CADPS: variants seen among roughly 807,000 people sequenced by gnomAD.
CADPS encodes the protein calcium-dependent secretion activator 1.
Under a neutral mutation model 167.3 loss-of-function variants are expected in CADPS, and 57 were observed. That is an observed-to-expected ratio of 0.34 (90% CI 0.28 to 0.42). The LOEUF (loss-of-function observed/expected upper bound fraction) is 0.42. Among genes scored for constraint, CADPS ranks in the 20% least tolerant of loss-of-function variants. The probability of loss-of-function intolerance (pLI) is 1.00; values close to 1 mark genes in which losing one functional copy is unlikely to be tolerated. For missense variants in CADPS, 1,414 were observed against 1,738.1 expected (o/e 0.81, Z 3.32); for synonymous variants, 676 against 635.3 (o/e 1.06, Z -0.96).
chr3:62,654,977 AT>A (rs533459701), intron 4 of CADPS, among the ~76,000 whole-genome samples: 140 of 152,168 alleles, frequency 9.2e-4, no homozygotes, highest in Non-Finnish European at 1.5e-3. Context: ...CAGTCCTGAG[AT>A]TTTTTTAGGA....
At chr3:62,442,602 T>G (rs2056533301) in intron 27 of CADPS, among the ~76,000 whole-genome samples, 1 of 152,148 alleles carries the variant, frequency 6.6e-6, no homozygotes, top group South Asian at 2.1e-4. Context: ...GTGTAAATAC[T>G]CCCATCAAGG....
rs959792273 is a variant in CADPS at position 62,602,524 on chromosome 3, G to A, written c.1326-9776C>T. On this transcript the variant is annotated intron_variant, in intron 6 of 29. Transcript: ENST00000383710. This position sits in a 1 kb window ranked among gnomAD's most constrained non-coding sequence, Gnocchi z 4.4. ...GAGACAGCTGCATTAAAATCTTGTGGCCTGCCTTTGAGGTGGACTGCATGA... is the reference window on the plus strand; with the variant it reads ...GAGACAGCTGCATTAAAATCTTGTGACCTGCCTTTGAGGTGGACTGCATGA... Among the ~76,000 whole-genome samples, 2 of 152,154 alleles carry A rather than the reference G, an allele frequency of 1.3e-5. No individual in the cohort carries two copies. Among genetic ancestry groups the A allele is most frequent in the Admixed American group, 6.5e-5 (1 of 15,270 alleles).
chr3:62,734,059 C>G (rs1390355480), intron 3 of CADPS, among the ~76,000 whole-genome samples: 1 of 152,072 alleles, frequency 6.6e-6, no homozygotes, highest in Non-Finnish European at 1.5e-5. Context: ...TAGGTTGGTT[C>G]CATAATTTTT....
At chr3:62,827,724 A>C (rs1441395895) in intron 1 of CADPS, among the ~76,000 whole-genome samples, 1 of 152,172 alleles carries the variant, frequency 6.6e-6, no homozygotes, top group Non-Finnish European at 1.5e-5. Flanking sequence ...GAATCAAAAC[A>C]ACCATCTTGT....
chr3:62,485,906 G>C (rs1219246872), intron 21 of CADPS, among the ~76,000 whole-genome samples: 1 of 152,156 alleles, frequency 6.6e-6, no homozygotes, highest in Non-Finnish European at 1.5e-5. Flanking sequence ...TGAACTGAGG[G>C]AGGATCTCAA....
intron 1 of CADPS, among the ~76,000 whole-genome samples, chr3:62,786,548 A>C (rs1238174312): frequency 6.6e-6 from 1 of 152,034 alleles, no homozygotes; most frequent in African/African-American, 2.4e-5. Context: ...AGGAGGCTAA[A>C]GTAGGATAAG....
chr3:62,469,843 C>T (rs2060379953), intron 24 of CADPS, among the ~76,000 whole-genome samples: 1 of 152,144 alleles, frequency 6.6e-6, no homozygotes, highest in Non-Finnish European at 1.5e-5. Flanking sequence ...GCCCTATACT[C>T]CAAAATTATA....
chr3:62,847,425 C>A (rs1216120646), intron 1 of CADPS, among the ~76,000 whole-genome samples: 1 of 58,804 alleles, frequency 1.7e-5, no homozygotes, highest in Non-Finnish European at 3.4e-5. Context: ...CTATCCCTCC[C>A]CCCTCCCCCC....
chr3:62,776,836 C>T (rs1041079889), intron 1 of CADPS, among the ~76,000 whole-genome samples: 2 of 151,716 alleles, frequency 1.3e-5, no homozygotes, highest in Non-Finnish European at 2.9e-5. Flanking sequence ...AAGAGGAAGG[C>T]CGTAGGGAGA....
At chr3:62,673,675 T>C (rs1051199883) in intron 3 of CADPS, among the ~76,000 whole-genome samples, 1 of 152,232 alleles carries the variant, frequency 6.6e-6, no homozygotes, top group Non-Finnish European at 1.5e-5. Context: ...ATTTAAATAA[T>C]TATTTTCATT....
intron 26 of CADPS, among the ~76,000 whole-genome samples, chr3:62,459,885 T>A (rs1430222760): frequency 6.6e-6 from 1 of 152,258 alleles, no homozygotes; most frequent in Admixed American, 6.5e-5. Flanking sequence ...TTTGAATGTC[T>A]ATTACTTCAG....
chr3:62,796,658 A>G (rs1013271221), intron 1 of CADPS, among the ~76,000 whole-genome samples: 1 of 152,140 alleles, frequency 6.6e-6, no homozygotes, highest in Non-Finnish European at 1.5e-5. Context: ...ATTTGCTTAA[A>G]CTAAGAGATG....
At chr3:62,627,285 C>G (rs1304805413) in intron 6 of CADPS, among the ~76,000 whole-genome samples, 1 of 152,058 alleles carries the variant, frequency 6.6e-6, no homozygotes, top group African/African-American at 2.4e-5. Flanking sequence ...TATAACTGAG[C>G]TCAATTTTAA....
intron 13 of CADPS, among the ~76,000 whole-genome samples, chr3:62,523,154 T>C (rs1478534053): frequency 1.3e-5 from 2 of 152,182 alleles, no homozygotes; most frequent in African/African-American, 4.8e-5. Flanking sequence ...TCTTGAGCCA[T>C]GTCACAAATA....
intron 6 of CADPS, among the ~76,000 whole-genome samples, chr3:62,613,631 C>T (rs1371673829): frequency 6.6e-6 from 1 of 152,072 alleles, no homozygotes; most frequent in East Asian, 1.9e-4. Flanking sequence ...CTTGACAAAC[C>T]TGAAAGAGTT....
rs1216099045 is a variant in CADPS, at chr3:62,412,307, A to G, written c.3778-9122T>C. Among the ~76,000 whole-genome samples, 1 of 69,598 alleles carries G rather than the reference A, an allele frequency of 1.4e-5. No homozygotes were observed. Among genetic ancestry groups the G allele is most frequent in the African/African-American group, 4.1e-5 (1 of 24,416 alleles). 45.7% of individuals were successfully genotyped at this position (69,598 alleles called of 152,430 possible). On this transcript the variant is annotated intron_variant, in intron 28 of 29. Transcript: ENST00000383710. This position sits in a 1 kb window ranked among gnomAD's most constrained non-coding sequence, Gnocchi z 4.1. ...GGACTCACTGACGGAGGAGTCTGAG[A>G]CAACGTGCTACAACCAGTTTCAGAG...
rs184660031 is a variant in CADPS at position 62,686,642 on chromosome 3, G to A, written c.889-24248C>T. Among the ~76,000 whole-genome samples, 560 of 152,102 alleles carry A rather than the reference G, an allele frequency of 3.7e-3. 8 individuals carry two copies. Among genetic ancestry groups the A allele is most frequent in the African/African-American group, 0.012 (508 of 41,474 alleles). On this transcript the variant is annotated intron_variant, in intron 3 of 29. Coordinates refer to ENST00000383710, the MANE Select transcript of CADPS (RefSeq NM_003716.4). ...TTCATAATAGCATGTACTTAAGGGT[G>A]TGTCATTCCCATTCTTTCTGATTTT...
At chr3:62,463,249 G>C (rs1370034208) in intron 26 of CADPS, among the ~76,000 whole-genome samples, 1 of 152,128 alleles carries the variant, frequency 6.6e-6, no homozygotes, top group African/African-American at 2.4e-5. Flanking sequence ...CCTCTTGGTA[G>C]GCCAGTAATT....
At chr3:62,645,908 A>C in intron 5 of CADPS, 65 bp from the exon 6 acceptor site, 2 of 1,578,318 alleles carry the variant, frequency 1.3e-6, no homozygotes, top group Non-Finnish European at 1.7e-6. Flanking sequence ...GCCCAGAGGA[A>C]AATACACAAA....
Sources: allele counts gnomAD v4.1 joint callset (sites outside exome capture counted in the v4.1 genomes callset), GRCh38; gene constraint gnomAD v4.1.1; non-coding constraint Gnocchi (gnomAD v3.1); transcripts MANE v1.5; gene names NCBI Gene and HGNC (gene_info 2026-07-23, HGNC 2026-07-21).